The following NRG3 variants were observed in gnomAD, a reference collection of about 807,000 sequenced individuals.
NRG3 encodes pro-neuregulin-3, membrane-bound isoform.
A neutral mutation model predicts 66.9 loss-of-function variants in NRG3; 31 were observed. That is an observed-to-expected ratio of 0.46 (90% CI 0.35 to 0.63). NRG3 has a LOEUF of 0.63. NRG3 is among the 20% of genes least tolerant of loss of function. NRG3 has a pLI of 0.00. For missense variants in NRG3, 910 were observed against 878.9 expected (o/e 1.04, Z -0.45); for synonymous variants, 393 against 359.4 (o/e 1.09, Z -1.06).
Position 81,996,745 on chromosome 10 carries a change from G to C in NRG3, c.823+120582G>C, listed in dbSNP as rs116913803. On this transcript the variant is annotated intron_variant, in intron 1 of 8. Transcript: ENST00000372141. ...GAGAAAGGAGGGAGAGGAGGAATAA[G>C]AGTGAGAATGTGAATTGCTGTGTGG... Among the ~76,000 whole-genome samples the C allele has an allele frequency of 9.5e-3, 1,441 of 152,208 alleles. 14 individuals carry two copies. Among genetic ancestry groups the C allele is most frequent in the Non-Finnish European group, 0.016 (1,113 of 67,984 alleles).
At chr10:82,678,098 C>CCA (rs2053848537) in intron 2 of NRG3, among the ~76,000 whole-genome samples, 1 of 152,150 alleles carries the variant, frequency 6.6e-6, no homozygotes, top group South Asian at 2.1e-4. Flanking sequence ...ATGCTTGAGC[C>CCA]CACACACATA....
intron 2 of NRG3, among the ~76,000 whole-genome samples, chr10:82,508,097 G>C (rs1472154504): frequency 3.3e-5 from 5 of 152,186 alleles, no homozygotes; most frequent in Non-Finnish European, 5.9e-5. Context: ...TGTGCATTTA[G>C]TAGTCTGACT....
intron 4 of NRG3, among the ~76,000 whole-genome samples, chr10:82,933,192 A>G (rs962776948): frequency 3.9e-5 from 6 of 152,186 alleles, no homozygotes; most frequent in African/African-American, 2.4e-5. Context: ...TGGGAATCTC[A>G]TCCGACAGTC....
chr10:82,778,903 C>T (rs1279220777), intron 3 of NRG3, among the ~76,000 whole-genome samples: 5 of 151,920 alleles, frequency 3.3e-5, no homozygotes, highest in African/African-American at 7.3e-5. Flanking sequence ...GACTGGGATG[C>T]GGGGGAGGGA....
intron 4 of NRG3, among the ~76,000 whole-genome samples, chr10:82,937,038 G>A (rs1345130134): frequency 6.6e-6 from 1 of 152,072 alleles, no homozygotes; most frequent in African/African-American, 2.4e-5. Context: ...TATGATTCGT[G>A]GAGCATCAGT....
intron 2 of NRG3, among the ~76,000 whole-genome samples, chr10:82,436,444 G>A (rs192881925): frequency 6.6e-6 from 1 of 152,116 alleles, no homozygotes; most frequent in Non-Finnish European, 1.5e-5. Context: ...ATGTAAGGTG[G>A]GTCTTCTGAA....
chr10:82,271,490 T>G (rs2078593262), intron 1 of NRG3, among the ~76,000 whole-genome samples: 1 of 152,204 alleles, frequency 6.6e-6, no homozygotes, highest in South Asian at 2.1e-4. Context: ...GGAATAACAA[T>G]CAAGAAAATC....
At chr10:82,618,616 G>A (rs1185407095) in intron 2 of NRG3, among the ~76,000 whole-genome samples, 1 of 151,804 alleles carries the variant, frequency 6.6e-6, no homozygotes, top group African/African-American at 2.4e-5. Context: ...GCAGAAAAAT[G>A]AGCAAATGAA....
chr10:82,958,341 A>C (rs1486269539), intron 5 of NRG3, among the ~76,000 whole-genome samples: 1 of 152,184 alleles, frequency 6.6e-6, no homozygotes, highest in Non-Finnish European at 1.5e-5. Flanking sequence ...ATCATGAAAA[A>C]TCTGTGAAAT....
At chr10:82,669,539 G>T (rs973835154) in intron 2 of NRG3, among the ~76,000 whole-genome samples, 1 of 152,086 alleles carries the variant, frequency 6.6e-6, no homozygotes, top group Non-Finnish European at 1.5e-5. Context: ...TTGTGTGACT[G>T]CTGGAAGGCA....
rs368338928 is a variant in NRG3 at position 82,349,331 on chromosome 10, A to G, written c.824-9408A>G. ...CTGTTGGAATACCCTGCCTTGTGAG[A>G]TGTCAGTGTGCCCCTGCTGGGGGGT... On this transcript the variant is annotated intron_variant, in intron 1 of 8. Transcript: ENST00000372141. Among the ~76,000 whole-genome samples the G allele has an allele frequency of 7.5e-3, 1,139 of 151,248 alleles. 12 individuals carry two copies. Among genetic ancestry groups the G allele is most frequent in the South Asian group, 0.049 (228 of 4,618 alleles).
intron 1 of NRG3, among the ~76,000 whole-genome samples, chr10:82,302,995 A>C (rs1035947605): frequency 2.0e-5 from 3 of 152,148 alleles, no homozygotes; most frequent in African/African-American, 7.2e-5. Flanking sequence ...CCACAATTTT[A>C]TCTGAAGTTG....
intron 1 of NRG3, among the ~76,000 whole-genome samples, chr10:82,204,363 T>A (rs1403775571): frequency 6.6e-6 from 1 of 152,204 alleles, no homozygotes. Context: ...CCTAGGGGTG[T>A]TCCTGGAGGC....
At chr10:82,383,075 A>T (rs1384974564) in intron 2 of NRG3, among the ~76,000 whole-genome samples, 1 of 151,972 alleles carries the variant, frequency 6.6e-6, no homozygotes, top group South Asian at 2.1e-4. Flanking sequence ...TTTATTCATT[A>T]CATATTCTGG....
At position 82,547,391 on chromosome 10, in the gene NRG3, A is replaced by G. The variant is rs1307357352; in HGVS notation, c.953+188523A>G. Among the ~76,000 whole-genome samples the G allele has an allele frequency of 4.0e-5, 6 of 151,272 alleles. No homozygotes were observed. In the East Asian group the frequency reaches 1.2e-3, roughly 29 times the overall value. On this transcript the variant is annotated intron_variant, in intron 2 of 8. Transcript: ENST00000372141. Reference sequence around the variant, plus strand: ...CATCTATCTATATATGTATGTATATATGTATATATATTCCAGTATATACAT... The same window carrying G: ...CATCTATCTATATATGTATGTATATGTGTATATATATTCCAGTATATACAT...
At chr10:82,543,509 A>G (rs1478831268) in intron 2 of NRG3, among the ~76,000 whole-genome samples, 1 of 152,216 alleles carries the variant, frequency 6.6e-6, no homozygotes, top group Non-Finnish European at 1.5e-5. Flanking sequence ...CCTATTAAAG[A>G]AAACTAAAAT....
At chr10:82,586,368 A>T (rs2046669098) in intron 2 of NRG3, among the ~76,000 whole-genome samples, 1 of 152,198 alleles carries the variant, frequency 6.6e-6, no homozygotes, top group Non-Finnish European at 1.5e-5. Context: ...ATTTTCATCA[A>T]AACCGTATTC....
chr10:82,588,301 A>G (rs2046788701), intron 2 of NRG3, among the ~76,000 whole-genome samples: 1 of 152,110 alleles, frequency 6.6e-6, no homozygotes, highest in Admixed American at 6.6e-5. Flanking sequence ...TTTTTGCTTT[A>G]GTAGTTCATG....
intron 2 of NRG3, among the ~76,000 whole-genome samples, chr10:82,679,920 C>G (rs1389324624): frequency 6.6e-6 from 1 of 151,792 alleles, no homozygotes; most frequent in African/African-American, 2.4e-5. Flanking sequence ...ATAAATTGCA[C>G]TATGTATTTT....
Sources: allele counts gnomAD v4.1 joint callset (sites outside exome capture counted in the v4.1 genomes callset), GRCh38; gene constraint gnomAD v4.1.1; transcripts MANE v1.5; gene names NCBI Gene and HGNC (gene_info 2026-07-23, HGNC 2026-07-21).